Variants in DLGAP1 observed in about 807,000 individuals in gnomAD.
DLGAP1 encodes the protein DLG associated protein 1.
Under a neutral mutation model 90.8 loss-of-function variants are expected in DLGAP1, and 11 were observed. That is an observed-to-expected ratio of 0.12 (90% CI 0.08 to 0.20). The LOEUF is 0.20. Among genes scored for constraint, DLGAP1 ranks in the 10% least tolerant of loss-of-function variants. The pLI, the probability that DLGAP1 is intolerant of heterozygous loss-of-function variation, is 1.00. For synonymous variants in DLGAP1, 558 were observed against 540.7 expected (o/e 1.03, Z -0.44); for missense variants, 1,050 against 1,333.8 (o/e 0.79, Z 3.31).
At chr18:3,785,682 T>A (rs375648865) in intron 5 of DLGAP1, among the ~76,000 whole-genome samples, 1 of 152,250 alleles carries the variant, frequency 6.6e-6, no homozygotes, top group East Asian at 1.9e-4. Flanking sequence ...TCCAGGTGGG[T>A]TTGCATCCTC....
rs116243412 is a variant in DLGAP1 at position 4,252,739 on chromosome 18, G to A, written c.-266-101452C>T. Among the ~76,000 whole-genome samples, 608 of 152,324 alleles carry A rather than the reference G, an allele frequency of 4.0e-3. 7 individuals carry two copies. The highest frequency in any genetic ancestry group is 0.014 in the African/African-American group (584 of 41,568). On this transcript the variant is annotated intron_variant, in intron 1 of 12. Transcript: ENST00000315677. ...GCAGAATTCAAATGCAGCCATTGAAGATAAAACATTTGCTGATTATGAGAC... is the reference window on the plus strand; with the variant it reads ...GCAGAATTCAAATGCAGCCATTGAAAATAAAACATTTGCTGATTATGAGAC...
intron 1 of DLGAP1, among the ~76,000 whole-genome samples, chr18:4,235,412 T>C (rs904097451): frequency 3.9e-5 from 6 of 152,198 alleles, no homozygotes; most frequent in African/African-American, 7.2e-5. Context: ...TAACATCATA[T>C]GAACCACTTG....
At chr18:4,267,967 T>C (rs187643186) in intron 1 of DLGAP1, among the ~76,000 whole-genome samples, 16 of 152,334 alleles carry the variant, frequency 1.1e-4, no homozygotes, top group Admixed American at 3.9e-4. Context: ...TCTGCCATAT[T>C]CTATTGGTCA....
intron 6 of DLGAP1, among the ~76,000 whole-genome samples, chr18:3,735,686 C>A (rs1328750652): frequency 6.6e-6 from 1 of 151,530 alleles, no homozygotes; most frequent in Non-Finnish European, 1.5e-5. Context: ...TCTTACAGGA[C>A]AGATGTGAAA....
At chr18:4,195,916 A>G (rs2077489691) in intron 1 of DLGAP1, among the ~76,000 whole-genome samples, 1 of 152,204 alleles carries the variant, frequency 6.6e-6, no homozygotes, top group African/African-American at 2.4e-5. Flanking sequence ...GAGGGAGTTT[A>G]CAGATAAACC....
At chr18:4,371,799 T>C (rs942494235) in intron 1 of DLGAP1, among the ~76,000 whole-genome samples, 2 of 152,202 alleles carry the variant, frequency 1.3e-5, no homozygotes, top group African/African-American at 2.4e-5. Flanking sequence ...TGGCCCTTCC[T>C]TCAGCAAGCC....
intron 1 of DLGAP1, among the ~76,000 whole-genome samples, chr18:4,451,553 AG>A (rs762437915): frequency 9.2e-5 from 14 of 152,322 alleles, no homozygotes; most frequent in Non-Finnish European, 1.9e-4. Flanking sequence ...TCCTAGGAAC[AG>A]CATCTTTGGC....
intron 2 of DLGAP1, among the ~76,000 whole-genome samples, chr18:4,127,358 G>T (rs1184344888): frequency 2.0e-5 from 3 of 152,098 alleles, no homozygotes; most frequent in African/African-American, 4.8e-5. Flanking sequence ...CCCTATCAGG[G>T]TATTGACTAC....
chr18:3,555,546 C>T, intron 9 of DLGAP1, among the ~76,000 whole-genome samples: 1 of 152,136 alleles, frequency 6.6e-6, no homozygotes, highest in Non-Finnish European at 1.5e-5. Flanking sequence ...GGCAGTGGCT[C>T]ACGTCTGTAA....
At position 4,114,184 on chromosome 18, in the gene DLGAP1, G is replaced by A. The variant is rs556440769; in HGVS notation, c.-159+36996C>T. ...ATGATATTAGTTTGATAGGAATAGT[G>A]TTGAATCTACAGATTGTTTTAATGA... On this transcript the variant is annotated intron_variant, in intron 2 of 12. Transcript: ENST00000315677. Among the ~76,000 whole-genome samples, 4 of 150,290 alleles carry A rather than the reference G, an allele frequency of 2.7e-5. No individual in the cohort carries two copies. In the South Asian group the frequency reaches 8.5e-4, roughly 32 times the overall value.
chr18:3,851,944 G>A (rs990245939), intron 4 of DLGAP1, among the ~76,000 whole-genome samples: 12 of 151,960 alleles, frequency 7.9e-5, no homozygotes, highest in Non-Finnish European at 1.6e-4. Flanking sequence ...TTGAAGGAAA[G>A]GAAGGTAAAG....
intron 1 of DLGAP1, among the ~76,000 whole-genome samples, chr18:4,372,976 CAA>C (rs2081948420): frequency 6.6e-6 from 1 of 151,730 alleles, no homozygotes; most frequent in Non-Finnish European, 1.5e-5. Flanking sequence ...AAAGACAAAA[CAA>C]ACAAAATAAA....
intron 7 of DLGAP1, among the ~76,000 whole-genome samples, chr18:3,659,445 A>ACCCCCCC (rs61527537): frequency 9.8e-4 from 103 of 105,304 alleles, no homozygotes; most frequent in African/African-American, 3.2e-3. Context: ...GGATGCTACC[A>ACCCCCCC]CCCCCCGCCG....
rs184741048 is a variant in DLGAP1, at chr18:3,676,223, C to A, written c.1591+52912G>T. On this transcript the variant is annotated intron_variant, in intron 7 of 12. Transcript: ENST00000315677. ...GCAGCCCAAGGAGAAAGTTTATTTG[C>A]GTAATAAGATTAGGGTGGGGCAACC... is the stretch of plus-strand genomic sequence containing the variant. Among the ~76,000 whole-genome samples the A allele has an allele frequency of 1.8e-3, 272 of 152,254 alleles. 1 individual carries two copies. The highest frequency in any genetic ancestry group is 0.017 in the Middle Eastern group (5 of 294).
Position 3,817,528 on chromosome 18 carries a change from G to GGAAAGTGTAAAGA in DLGAP1, c.958-3268_958-3256dup, listed in dbSNP as rs1487387056. ...AAAATAATACAGTAATCCGTTCTAG[G>GGAAAGTGTAAAGA]GAAAGTGTAAAGACAGAAAATCGAG... On this transcript the variant is annotated intron_variant, in intron 4 of 12. Coordinates refer to ENST00000315677, the MANE Select transcript of DLGAP1 (RefSeq NM_004746.4). 4.6e-5 allele frequency among the ~76,000 whole-genome samples: 7 copies of GGAAAGTGTAAAGA among 152,080 alleles called. No homozygotes were observed. The South Asian group carries it at 1.5e-3, about 32-fold the overall frequency.
intron 1 of DLGAP1, among the ~76,000 whole-genome samples, chr18:4,226,325 A>G (rs2078186322): frequency 6.6e-6 from 1 of 152,168 alleles, no homozygotes; most frequent in Non-Finnish European, 1.5e-5. Flanking sequence ...CTAAAAGAAA[A>G]GGACTTTAAT....
At chr18:3,758,258 A>C (rs1050969925) in intron 5 of DLGAP1, among the ~76,000 whole-genome samples, 2 of 152,212 alleles carry the variant, frequency 1.3e-5, no homozygotes, top group Non-Finnish European at 2.9e-5. Flanking sequence ...TTCAAACCTG[A>C]CCAATGAAAT....
intron 4 of DLGAP1, chr18:3,874,805 G>A: frequency 1.5e-6 from 2 of 1,357,900 alleles, no homozygotes; most frequent in South Asian, 2.1e-5. Flanking sequence ...TAACAATATT[G>A]GAAAAAAAAG....
chr18:4,240,792 A>G (rs921576919), intron 1 of DLGAP1, among the ~76,000 whole-genome samples: 15 of 152,206 alleles, frequency 9.9e-5, no homozygotes, highest in African/African-American at 3.4e-4. Flanking sequence ...AAAAGTTTCA[A>G]ATCTCTTCCA....
Sources: allele counts gnomAD v4.1 joint callset (sites outside exome capture counted in the v4.1 genomes callset), GRCh38; gene constraint gnomAD v4.1.1; transcripts MANE v1.5; gene names NCBI Gene and HGNC (gene_info 2026-07-23, HGNC 2026-07-21).